The following APP variants were observed in gnomAD, a reference collection of about 807,000 sequenced individuals.
APP encodes the protein amyloid-beta precursor protein.
Under a neutral mutation model 101.4 loss-of-function variants are expected in APP, and 31 were observed. The ratio of observed to expected loss-of-function variants is 0.31; its 90% confidence interval spans 0.23 to 0.41. The LOEUF (loss-of-function observed/expected upper bound fraction) is 0.41, where lower values mean the gene tolerates loss of function less well. Among genes scored for constraint, APP ranks in the 10% least tolerant of loss-of-function variants. APP has a pLI of 1.00. For synonymous variants in APP, 366 were observed against 364.4 expected, an observed-to-expected ratio of 1.00 and a Z score of -0.05; for missense variants, 839 against 1,003.7, an observed-to-expected ratio of 0.84 and a Z score of 2.22.
intron 2 of APP, among the ~76,000 whole-genome samples, chr21:26,111,580 T>TA (rs201994202): frequency 0.039 from 5,965 of 151,494 alleles, 240 homozygotes; most frequent in Admixed American, 0.12. Flanking sequence ...TACTAAAAAT[T>TA]AAAAAAAATC....
At chr21:25,995,431 C>T (rs2043014959) in intron 8 of APP, among the ~76,000 whole-genome samples, 1 of 141,378 alleles carries the variant, frequency 7.1e-6, no homozygotes, top group Admixed American at 7.4e-5. Flanking sequence ...AATGCTTAGC[C>T]ATTTGGTGTG....
At chr21:26,126,348 G>A (rs968162355) in intron 1 of APP, among the ~76,000 whole-genome samples, 3 of 152,188 alleles carry the variant, frequency 2.0e-5, no homozygotes, top group African/African-American at 7.2e-5. Flanking sequence ...TAATGTTGGT[G>A]TACACCTAAC....
chr21:26,131,635 G>C (rs1397020234), intron 1 of APP, among the ~76,000 whole-genome samples: 1 of 152,170 alleles, frequency 6.6e-6, no homozygotes, highest in South Asian at 2.1e-4. Flanking sequence ...GAAATGTCCA[G>C]TCATAAGAAG....
chr21:26,092,259 A>G (rs1164217496), intron 2 of APP, among the ~76,000 whole-genome samples: 3 of 152,232 alleles, frequency 2.0e-5, no homozygotes, highest in Non-Finnish European at 4.4e-5. Flanking sequence ...CAAAAAAATC[A>G]GTTAAAAAAT....
At chr21:26,049,246 A>G (rs2045737388) in intron 5 of APP, among the ~76,000 whole-genome samples, 1 of 152,228 alleles carries the variant, frequency 6.6e-6, no homozygotes, top group Non-Finnish European at 1.5e-5. Flanking sequence ...CCAGCAGAAC[A>G]TAATCATAAA....
chr21:25,882,033 C>G (rs2037022051), intron 17 of APP, among the ~76,000 whole-genome samples: 1 of 152,028 alleles, frequency 6.6e-6, no homozygotes, highest in Admixed American at 6.5e-5. Flanking sequence ...GTTTCTGGTT[C>G]CCCAACTCCA....
chr21:26,028,654 T>C (rs1167764653), intron 5 of APP, among the ~76,000 whole-genome samples: 2 of 152,134 alleles, frequency 1.3e-5, no homozygotes, highest in Non-Finnish European at 2.9e-5. Context: ...AAAGTGGCAA[T>C]GCATTCATTC....
chr21:26,075,987 G>A lies in APP; in HGVS notation c.355+13956C>T, dbSNP rs377437627. ...CGGCTCACTGCAATCTCCGCTTCCCGGTTTCAAGTGATTCTCCTGCCTCAG... is the reference window on the plus strand; with the variant it reads ...CGGCTCACTGCAATCTCCGCTTCCCAGTTTCAAGTGATTCTCCTGCCTCAG... On this transcript the variant is annotated intron_variant, in intron 3 of 17. Coordinates refer to ENST00000346798, the MANE Select transcript of APP (RefSeq NM_000484.4). 1.3e-3 allele frequency among the ~76,000 whole-genome samples: 198 copies of A among 152,172 alleles called. 1 individual carries two copies. Among genetic ancestry groups the A allele is most frequent in the South Asian group, 6.2e-4 (3 of 4,814 alleles).
Position 26,140,470 on chromosome 21 carries a change from A to C in APP, c.58-28324T>G, listed in dbSNP as rs2063019828. The C allele has an allele frequency of 1.2e-5, 10 of 822,832 alleles. 1 individual carries two copies. The South Asian group carries it at 2.8e-4, about 23-fold the overall frequency. 51.0% of individuals were successfully genotyped at this position (822,832 alleles called of 1,614,324 possible). A position where few individuals can be genotyped will look rare whatever the true frequency, so the allele number is the denominator to read the frequency against. Reference sequence around the variant, plus strand: ...AAGCCTCCGGAACTCTGTCTTGGGTAGAGTAAATCAATTTCCTTTTGTAGG... The same window carrying C: ...AAGCCTCCGGAACTCTGTCTTGGGTCGAGTAAATCAATTTCCTTTTGTAGG... On this transcript the variant is annotated intron_variant, in intron 1 of 17. Coordinates refer to ENST00000346798, the MANE Select transcript of APP (RefSeq NM_000484.4).
rs1157823753 is a variant in APP, at chr21:25,997,379, A to G, written c.1071T>C (p.Leu357=). The change falls in exon 8 of 18, where the codon CTT becomes CTC. Residue 357 remains leucine (L), a synonymous_variant. Transcript: ENST00000346798. ...QSLLKTTQEP[L]ARDPVKLPTT... is the part of the protein sequence containing the mutation. ...ACGTACGTTTAACAGGATCTCGGGC[A>G]AGAGGTTCCTGGGTAGTCTTGAGTA... 1 of 1,614,000 alleles carries G rather than the reference A, an allele frequency of 6.2e-7. No individual in the cohort carries two copies. Among genetic ancestry groups the G allele is most frequent in the Non-Finnish European group, 8.5e-7 (1 of 1,179,860 alleles).
intron 5 of APP, among the ~76,000 whole-genome samples, chr21:26,031,283 G>T (rs1278134205): frequency 1.3e-5 from 2 of 152,206 alleles, no homozygotes; most frequent in African/African-American, 4.8e-5. Context: ...CAAAGTAAGA[G>T]AAAAGCCTGG....
At chr21:26,015,542 C>T (rs1005858518) in intron 6 of APP, among the ~76,000 whole-genome samples, 1 of 152,040 alleles carries the variant, frequency 6.6e-6, no homozygotes, top group Non-Finnish European at 1.5e-5. Context: ...TGATGGTAAG[C>T]GTTTAACATA....
At chr21:26,039,414 G>T (rs151196906) in intron 5 of APP, among the ~76,000 whole-genome samples, 51 of 152,308 alleles carry the variant, frequency 3.3e-4, no homozygotes, top group African/African-American at 1.2e-3. Flanking sequence ...GAAAACTTAG[G>T]TTATATGCTA....
chr21:26,043,605 ATG>A (rs1264475573), intron 5 of APP, among the ~76,000 whole-genome samples: 1 of 152,194 alleles, frequency 6.6e-6, no homozygotes, highest in Non-Finnish European at 1.5e-5. Flanking sequence ...ACGTAGGTGT[ATG>A]TGTTTGATGT....
chr21:25,895,106 A>G (rs541329578), intron 16 of APP, among the ~76,000 whole-genome samples: 18 of 128,150 alleles, frequency 1.4e-4, no homozygotes, highest in Non-Finnish European at 2.3e-4. Flanking sequence ...AAGTATATAC[A>G]TGGCTTTTTT....
intron 13 of APP, among the ~76,000 whole-genome samples, chr21:25,914,673 C>T (rs1020109553): frequency 2.0e-5 from 3 of 151,742 alleles, no homozygotes; most frequent in Non-Finnish European, 1.5e-5. Context: ...CCTGCCTCAG[C>T]CTCCCGAGTA....
chr21:25,994,432 A>G (rs2042978050), intron 8 of APP, among the ~76,000 whole-genome samples: 1 of 152,218 alleles, frequency 6.6e-6, no homozygotes, highest in Non-Finnish European at 1.5e-5. Context: ...CAACAATAAA[A>G]TATGTCCCTA....
Position 25,938,398 on chromosome 21 carries a change from C to G in APP, c.1687+16192G>C, listed in dbSNP as rs1601458726. On this transcript the variant is annotated intron_variant, in intron 13 of 17. Transcript: ENST00000346798. The stretch of plus-strand genomic sequence containing the variant: ...TGCCAGAATGTATTTAGAGTTGTCT[C>G]TAAATACATTCTGAGTCTCTGCTTC... Among the ~76,000 whole-genome samples the G allele has an allele frequency of 2.0e-5, 3 of 151,952 alleles. No homozygotes were observed. The East Asian group carries it at 5.8e-4, about 29-fold the overall frequency.
At chr21:26,012,503 A>C (rs1189491002) in intron 6 of APP, among the ~76,000 whole-genome samples, 1 of 152,174 alleles carries the variant, frequency 6.6e-6, no homozygotes, top group Non-Finnish European at 1.5e-5. Flanking sequence ...CCAAAGATGA[A>C]TTTTCAGGAG....
Sources: allele counts gnomAD v4.1 joint callset (sites outside exome capture counted in the v4.1 genomes callset), GRCh38; gene constraint gnomAD v4.1.1; transcripts MANE v1.5; gene names NCBI Gene and HGNC (gene_info 2026-07-23, HGNC 2026-07-21).